The following PCDHGA5 variants were observed in gnomAD, a reference collection of about 807,000 sequenced individuals.
The protein encoded by PCDHGA5 is protocadherin gamma subfamily A, 5, also known as protocadherin gamma-A5.
In PCDHGA5, 36 loss-of-function variants were observed where a neutral mutation model predicts 56.7. The ratio of observed to expected loss-of-function variants is 0.64; its 90% CI spans 0.49 to 0.84. The LOEUF is 0.84. Among genes scored for constraint, PCDHGA5 ranks in the 40% least tolerant of loss-of-function variants. The pLI is 0.00. For synonymous variants in PCDHGA5, 563 were observed against 520.2 expected, an observed-to-expected ratio of 1.08 and a Z score of -1.12; for missense variants, 1,305 against 1,201.5, an observed-to-expected ratio of 1.09 and a Z score of -1.27.
chr5:141,422,156 T>C, intron 1 of PCDHGA5: 2 of 1,573,504 alleles, frequency 1.3e-6, no homozygotes, highest in Non-Finnish European at 8.6e-7. Flanking sequence ...TCTCTGGATT[T>C]TGAAAAATAT....
At position 141,495,009 on chromosome 5, in the gene PCDHGA5, G is replaced by A; in HGVS notation, c.2480+144G>A. 6 of 1,518,622 alleles carry A rather than the reference G, an allele frequency of 4.0e-6. No homozygotes were observed. The South Asian group carries it at 6.2e-5, about 16-fold the overall frequency. The allele number at this position is 1,518,622 out of a possible 1,614,324, so 94.1% of individuals were successfully genotyped here. ...TCCCAGGGAGGTCTTGGTGTGCGGG[G>A]GGCTGGCACACAGACCCCGGAAGGA... is the stretch of plus-strand genomic sequence containing the variant. On this transcript the variant is annotated intron_variant, in intron 2 of 3. Coordinates refer to ENST00000518069, the MANE Select transcript of PCDHGA5 (RefSeq NM_018918.3).
intron 1 of PCDHGA5, chr5:141,409,404 A>T: frequency 5.0e-6 from 8 of 1,614,046 alleles, no homozygotes; most frequent in Non-Finnish European, 6.8e-6. Flanking sequence ...TCCAATAACT[A>T]CTACAAACTG....
intron 1 of PCDHGA5, among the ~76,000 whole-genome samples, chr5:141,435,790 A>G (rs1336963117): frequency 2.0e-5 from 3 of 152,168 alleles, no homozygotes; most frequent in African/African-American, 7.2e-5. Flanking sequence ...GCAGGGAAAC[A>G]TAACGTCCCA....
Position 141,422,343 on chromosome 5 carries a change from G to T in PCDHGA5, c.2421+55592G>T, listed in dbSNP as rs764862139. ...GTACAGTGATTGCTCTTCTAAATGT[G>T]CAAGATCAAGATTCTGGAGAAAATG... On this transcript the variant is annotated intron_variant, in intron 1 of 3. Transcript: ENST00000518069. 1.9e-6 allele frequency: 3 copies of T among 1,551,388 alleles called. No individual in the cohort carries two copies. The East Asian group carries it at 6.7e-5, about 35-fold the overall frequency.
At position 141,366,307 on chromosome 5, in the gene PCDHGA5, G is replaced by A. The variant is rs539472764; in HGVS notation, c.1977G>A (p.Thr659=). 6.3e-5 allele frequency: 101 copies of A among 1,613,748 alleles called. 2 individuals carry two copies. In the South Asian group the frequency reaches 9.7e-4, roughly 15 times the overall value. The change falls in exon 1 of 4, where the codon ACG becomes ACA. Residue 659 remains threonine, a synonymous_variant. Coordinates refer to ENST00000518069, the MANE Select transcript of PCDHGA5 (RefSeq NM_018918.3). ...AGCCCCCTCTGTCAGCCACCTTCAC[G>A]GTCACCGTTGCCGTGGCCGACAGGA... ...HGQPPLSATF[T]VTVAVADRIP...
chr5:141,413,824 A>C, intron 1 of PCDHGA5: 1 of 1,613,112 alleles, frequency 6.2e-7, no homozygotes, highest in South Asian at 1.1e-5. Flanking sequence ...CCTGGTCCTC[A>C]CCGCCTCCGA....
At chr5:141,447,032 C>A (rs1412709585) in intron 1 of PCDHGA5, among the ~76,000 whole-genome samples, 1 of 149,498 alleles carries the variant, frequency 6.7e-6, no homozygotes, top group Admixed American at 6.6e-5. Context: ...TGTTTTTTTT[C>A]TGTGTCTGGA....
intron 1 of PCDHGA5, among the ~76,000 whole-genome samples, chr5:141,468,857 C>A (rs1386167428): frequency 2.0e-5 from 3 of 151,962 alleles, no homozygotes; most frequent in Non-Finnish European, 4.4e-5. Context: ...CAGAGCGAGA[C>A]TCCATCTCAA....
At chr5:141,381,342 T>C (rs931867398) in intron 1 of PCDHGA5, among the ~76,000 whole-genome samples, 3 of 152,254 alleles carry the variant, frequency 2.0e-5, no homozygotes, top group Non-Finnish European at 4.4e-5. Context: ...GAGCTTTCTT[T>C]TCTTTCTGCT....
intron 1 of PCDHGA5, chr5:141,410,798 T>C: frequency 1.4e-6 from 1 of 712,186 alleles, no homozygotes; most frequent in Non-Finnish European, 2.1e-6. Flanking sequence ...CATAAGTTGC[T>C]CTATCTTTTT....
chr5:141,488,040 G>A (rs1212272063), intron 1 of PCDHGA5, among the ~76,000 whole-genome samples: 1 of 152,112 alleles, frequency 6.6e-6, no homozygotes, highest in Non-Finnish European at 1.5e-5. Flanking sequence ...CATTTCCCAA[G>A]GGATTGAGGG....
intron 1 of PCDHGA5, among the ~76,000 whole-genome samples, chr5:141,482,079 C>A (rs2099551704): frequency 8.4e-6 from 1 of 119,308 alleles, no homozygotes; most frequent in African/African-American, 3.8e-5. Context: ...GAACAAAACT[C>A]ACTCCATCTC....
At chr5:141,388,715 T>A (rs2091466126) in intron 1 of PCDHGA5, 1 of 1,613,878 alleles carries the variant, frequency 6.2e-7, no homozygotes, top group Non-Finnish European at 8.5e-7. Flanking sequence ...ATGCCGAGAT[T>A]ACTTTCTCTT....
At chr5:141,466,095 C>T (rs1170423552) in intron 1 of PCDHGA5, among the ~76,000 whole-genome samples, 1 of 152,038 alleles carries the variant, frequency 6.6e-6, no homozygotes, top group African/African-American at 2.4e-5. Flanking sequence ...GCACTCCAGC[C>T]TGGGCAACAG....
chr5:141,419,681 G>T (rs377117997), intron 1 of PCDHGA5: 89 of 1,612,904 alleles, frequency 5.5e-5, no homozygotes, highest in Non-Finnish European at 7.0e-5. Flanking sequence ...GTCCTACCAC[G>T]TGGTGCAGGC....
At chr5:141,410,849 C>CTTTTTCT (rs2095432763) in intron 1 of PCDHGA5, 1 of 129,786 alleles carries the variant, frequency 7.7e-6, no homozygotes, top group Non-Finnish European at 1.3e-5. Flanking sequence ...TTGTCTTTGT[C>CTTTTTCT]TTTTTTTTTT....
chr5:141,375,879 G>A, intron 1 of PCDHGA5: 1 of 1,613,144 alleles, frequency 6.2e-7, no homozygotes, highest in South Asian at 1.1e-5. Flanking sequence ...AGAGACTCGG[G>A]CCAGAACGCC....
intron 1 of PCDHGA5, among the ~76,000 whole-genome samples, chr5:141,472,648 C>G (rs762736307): frequency 1.3e-5 from 2 of 151,864 alleles, no homozygotes; most frequent in African/African-American, 4.8e-5. Flanking sequence ...TGTGTTGAAT[C>G]AGTATATAAA....
chr5:141,364,759 T>C lies in PCDHGA5; in HGVS notation c.429T>C (p.Asn143=). ...ATGAAGAGTTAAAAGTAAAAGTTAATGAAAATGCGGCTGCAGGGACACGGT... is the reference window on the plus strand; with the variant it reads ...ATGAAGAGTTAAAAGTAAAAGTTAACGAAAATGCGGCTGCAGGGACACGGT... ...FRDEELKVKV[N]ENAAAGTRLV... is the part of the protein sequence containing the mutation. Residue 143 remains asparagine (N), a synonymous_variant, in exon 1 of 4, where the codon AAT becomes AAC. Coordinates refer to ENST00000518069, the MANE Select transcript of PCDHGA5 (RefSeq NM_018918.3). 1.2e-6 allele frequency: 2 copies of C among 1,613,952 alleles called. No individual in the cohort carries two copies. Among genetic ancestry groups the C allele is most frequent in the Non-Finnish European group, 1.7e-6 (2 of 1,179,888 alleles).
Sources: allele counts gnomAD v4.1 joint callset (sites outside exome capture counted in the v4.1 genomes callset), GRCh38; gene constraint gnomAD v4.1.1; transcripts MANE v1.5; gene names NCBI Gene and HGNC (gene_info 2026-07-23, HGNC 2026-07-21).